NALF1: variants seen among roughly 807,000 people sequenced by gnomAD.
NALF1 encodes family with sequence similarity 155 member A.
Under a neutral mutation model 48.4 loss-of-function variants are expected in NALF1, and 3 were observed. That is an observed-to-expected ratio of 0.06 (90% CI 0.03 to 0.16). The LOEUF (loss-of-function observed/expected upper bound fraction) is 0.16, where lower values mean the gene tolerates loss of function less well. NALF1 is among the 10% of genes least tolerant of loss of function. NALF1 has a pLI of 1.00. For missense variants in NALF1, 526 were observed against 571.5 expected, an observed-to-expected ratio of 0.92 and a Z score of 0.81; for synonymous variants, 262 against 245.7, an observed-to-expected ratio of 1.07 and a Z score of -0.62.
chr13:107,775,978 C>T (rs1011480632), intron 1 of NALF1, among the ~76,000 whole-genome samples: 5 of 152,172 alleles, frequency 3.3e-5, no homozygotes. Context: ...GTCCTAAAAT[C>T]ACCCTAAAGT....
chr13:107,351,938 G>T (rs1461791486), intron 1 of NALF1, among the ~76,000 whole-genome samples: 1 of 152,154 alleles, frequency 6.6e-6, no homozygotes, highest in East Asian at 1.9e-4. Flanking sequence ...AGTAAGATAG[G>T]CACTGATGCT....
chr13:107,796,032 A>C (rs1194960383), intron 1 of NALF1, among the ~76,000 whole-genome samples: 6 of 152,178 alleles, frequency 3.9e-5, no homozygotes, highest in Non-Finnish European at 1.5e-5. Flanking sequence ...TTGTAGTCCT[A>C]AGCCACGATT....
At chr13:107,464,158 T>C (rs920141286) in intron 1 of NALF1, among the ~76,000 whole-genome samples, 2 of 152,132 alleles carry the variant, frequency 1.3e-5, no homozygotes, top group African/African-American at 4.8e-5. Flanking sequence ...TGGCAACCTA[T>C]CTAAGTTCCA....
chr13:107,638,792 G>A (rs966263829), intron 1 of NALF1, among the ~76,000 whole-genome samples: 18 of 152,064 alleles, frequency 1.2e-4, no homozygotes, highest in African/African-American at 4.3e-4. Context: ...GCTAGGCAAG[G>A]GCTGTGGGAT....
chr13:107,649,311 C>A lies in NALF1; in HGVS notation c.915+216371G>T, dbSNP rs9559118. Among the ~76,000 whole-genome samples the A allele has an allele frequency of 0.021, 3,129 of 152,204 alleles. 171 individuals carry two copies. In the East Asian group the frequency reaches 0.21, roughly 10 times the overall value. On this transcript the variant is annotated intron_variant, in intron 1 of 2. Transcript: ENST00000375915. ...CAGATTTTTACATCTTGAGTCATAC[C>A]TCTGTAGATTAAAACATCAAGAAGC...
chr13:107,728,022 A>C (rs1876207550), intron 1 of NALF1, among the ~76,000 whole-genome samples: 1 of 152,230 alleles, frequency 6.6e-6, no homozygotes, highest in Admixed American at 6.5e-5. Context: ...GATCATCAAA[A>C]AGTCAGGAAA....
chr13:107,828,717 G>T (rs1879609490), intron 1 of NALF1, among the ~76,000 whole-genome samples: 1 of 151,058 alleles, frequency 6.6e-6, no homozygotes, highest in Non-Finnish European at 1.5e-5. Flanking sequence ...TTTCAGAGAA[G>T]ATATATTTCT....
chr13:107,372,913 G>T (rs1048791884), intron 1 of NALF1, among the ~76,000 whole-genome samples: 10 of 152,038 alleles, frequency 6.6e-5, no homozygotes, highest in Admixed American at 2.0e-4. Context: ...ACCAATTACT[G>T]GGATAGCAAA....
At chr13:107,609,424 C>T (rs555611499) in intron 1 of NALF1, among the ~76,000 whole-genome samples, 25 of 152,302 alleles carry the variant, frequency 1.6e-4, no homozygotes, top group African/African-American at 5.5e-4. Context: ...TCTGGGCGGC[C>T]CCAGTCAGAA....
chr13:107,241,955 G>A (rs1261785859), intron 1 of NALF1, among the ~76,000 whole-genome samples: 1 of 152,138 alleles, frequency 6.6e-6, no homozygotes, highest in African/African-American at 2.4e-5. Context: ...ATAAAAAAGT[G>A]CCTTGGCTGG....
At chr13:107,514,447 A>G (rs1214498694) in intron 1 of NALF1, among the ~76,000 whole-genome samples, 1 of 150,982 alleles carries the variant, frequency 6.6e-6, no homozygotes, top group African/African-American at 2.4e-5. Flanking sequence ...CTATCTATCT[A>G]TCTATCTATC....
chr13:107,560,298 T>C (rs1377884233), intron 1 of NALF1, among the ~76,000 whole-genome samples: 1 of 152,084 alleles, frequency 6.6e-6, no homozygotes, highest in East Asian at 1.9e-4. Context: ...CAATGTAGAC[T>C]GGATGGGACT....
rs144087357 is a variant in NALF1, at chr13:107,553,760, T to C, written c.915+311922A>G. ...TTAAGTTATGCCAAACAGAGCCTCT[T>C]CTGTCTCTGCTTCAACTTTAAGAAT... On this transcript the variant is annotated intron_variant, in intron 1 of 2. Transcript: ENST00000375915. 1.0e-3 allele frequency among the ~76,000 whole-genome samples: 154 copies of C among 152,342 alleles called. 2 individuals are homozygous for C. The highest frequency in any genetic ancestry group is 3.6e-3 in the African/African-American group (150 of 41,568).
In NALF1 at chr13:107,823,265, C is replaced by T. The variant is rs148317865; in HGVS notation, c.915+42417G>A. Among the ~76,000 whole-genome samples, 5 of 152,298 alleles carry T rather than the reference C, an allele frequency of 3.3e-5. No individual in the cohort carries two copies. The East Asian group carries it at 5.8e-4, about 18-fold the overall frequency. On this transcript the variant is annotated intron_variant, in intron 1 of 2. Transcript: ENST00000375915. ...CAGAGAACTCTAATTCAATTAAAAG[C>T]TCCATCTTACTGTGGTCACTGAACT...
intron 1 of NALF1, among the ~76,000 whole-genome samples, chr13:107,367,161 T>C (rs1206155600): frequency 1.3e-5 from 2 of 152,196 alleles, no homozygotes; most frequent in Admixed American, 1.3e-4. Context: ...CTTGGAAAAT[T>C]AATTTAAAAA....
At chr13:107,296,318 G>C (rs1287553071) in intron 1 of NALF1, among the ~76,000 whole-genome samples, 1 of 152,132 alleles carries the variant, frequency 6.6e-6, no homozygotes, top group Non-Finnish European at 1.5e-5. Context: ...ACTAGAAGAA[G>C]ATACAGTAGC....
chr13:107,355,695 C>A (rs1882951502), intron 1 of NALF1, among the ~76,000 whole-genome samples: 1 of 152,010 alleles, frequency 6.6e-6, no homozygotes, highest in African/African-American at 2.4e-5. Flanking sequence ...TTTTGCCCTT[C>A]TACCATGATT....
chr13:107,501,604 G>A (rs777704823), intron 1 of NALF1, among the ~76,000 whole-genome samples: 28 of 152,086 alleles, frequency 1.8e-4, no homozygotes, highest in Non-Finnish European at 3.1e-4. Flanking sequence ...TTTAAGCATA[G>A]GGGTGTGCAT....
At chr13:107,773,383 A>ATG (rs1242575751) in intron 1 of NALF1, among the ~76,000 whole-genome samples, 1 of 152,162 alleles carries the variant, frequency 6.6e-6, no homozygotes, top group Non-Finnish European at 1.5e-5. Flanking sequence ...GAAAAGACTA[A>ATG]TGTCTTTGTT....
Sources: allele counts gnomAD v4.1 joint callset (sites outside exome capture counted in the v4.1 genomes callset), GRCh38; gene constraint gnomAD v4.1.1; transcripts MANE v1.5; gene names NCBI Gene and HGNC (gene_info 2026-07-23, HGNC 2026-07-21).